The following NAA60 variants were observed in gnomAD, a reference collection of about 807,000 sequenced individuals.
NAA60 encodes the protein N-alpha-acetyltransferase 60.
Under a neutral mutation model 26.1 loss-of-function variants are expected in NAA60, and 8 were observed. The ratio of observed to expected loss-of-function variants is 0.31; its 90% confidence interval spans 0.18 to 0.55. NAA60 has a LOEUF of 0.55. Ranked by LOEUF, NAA60 falls within the 20% of genes least tolerant of loss-of-function variation. NAA60 has a pLI of 0.93. For synonymous variants in NAA60, 131 were observed against 122.5 expected (o/e 1.07, Z -0.46); for missense variants, 290 against 311.3 (o/e 0.93, Z 0.51).
chr16:3,461,451 C>T (rs1405430915), intron 2 of NAA60, among the ~76,000 whole-genome samples: 1 of 152,186 alleles, frequency 6.6e-6, no homozygotes, highest in Non-Finnish European at 1.5e-5. Flanking sequence ...ACTCCCTAGT[C>T]CCACCTTGTC....
chr16:3,444,940 C>A (rs1395919977), intron 1 of NAA60, among the ~76,000 whole-genome samples: 1 of 152,138 alleles, frequency 6.6e-6, no homozygotes, highest in Non-Finnish European at 1.5e-5. Flanking sequence ...AAAATTAGGG[C>A]TTTGTTACAA....
intron 3 of NAA60, 54 bp from the exon 4 acceptor site, chr16:3,479,417 C>A: frequency 1.3e-6 from 2 of 1,597,102 alleles, no homozygotes; most frequent in South Asian, 1.1e-5. Context: ...TAGAGCACGA[C>A]CATAGTTGGA....
At chr16:3,451,604 G>C (rs37834) in intron 2 of NAA60, among the ~76,000 whole-genome samples, 54,483 of 151,984 alleles carry the variant, frequency 0.36, 10,198 homozygotes, top group African/African-American at 0.47. Flanking sequence ...ACCTTTTTCA[G>C]TTAGATTGCA....
At chr16:3,447,334 G>A (rs540783296) in intron 1 of NAA60, 34 of 314,354 alleles carry the variant, frequency 1.1e-4, no homozygotes, top group African/African-American at 7.2e-4. Context: ...CATAGTAGGT[G>A]TATATATTTA....
intron 2 of NAA60, among the ~76,000 whole-genome samples, chr16:3,473,473 G>A (rs1567387685): frequency 1.3e-5 from 2 of 152,144 alleles, no homozygotes; most frequent in Non-Finnish European, 2.9e-5. Flanking sequence ...CAGTATGGGC[G>A]AAACTGCTCC....
At chr16:3,476,393 C>T in intron 3 of NAA60, 56 bp downstream of exon 3, 1 of 1,474,118 alleles carries the variant, frequency 6.8e-7, no homozygotes, top group South Asian at 1.2e-5. Flanking sequence ...GGTGCAGAAG[C>T]TGGGCGGCGG....
intron 1 of NAA60, among the ~76,000 whole-genome samples, chr16:3,446,916 A>G (rs1206159016): frequency 6.6e-6 from 1 of 151,044 alleles, no homozygotes; most frequent in Non-Finnish European, 1.5e-5. Flanking sequence ...TGGCCTGCTC[A>G]CTGCAACCTC....
At chr16:3,451,291 C>G (rs1023134458) in intron 2 of NAA60, among the ~76,000 whole-genome samples, 1 of 152,302 alleles carries the variant, frequency 6.6e-6, no homozygotes, top group East Asian at 1.9e-4. Flanking sequence ...TAAATAATAT[C>G]TCTGAATGGA....
intron 2 of NAA60, chr16:3,458,111 C>T (rs1417073031): frequency 1.0e-6 from 1 of 985,168 alleles, no homozygotes; most frequent in Non-Finnish European, 1.2e-6. Context: ...GGTCCCACTT[C>T]CCGGCTCCCT....
Position 3,482,574 on chromosome 16 carries a change from A to G in NAA60, c.313A>G (p.Lys105Glu), listed in dbSNP as rs1567400294. The G allele has an allele frequency of 2.5e-6, 4 of 1,607,998 alleles. No individual in the cohort carries two copies. Among genetic ancestry groups the G allele is most frequent in the East Asian group, 4.5e-5 (2 of 44,658 alleles). Residue 105 changes from lysine to glutamate, a missense_variant, in exon 5 of 8, where the codon AAA (lysine) becomes GAA (glutamate). Transcript: ENST00000407558. The stretch of plus-strand genomic sequence containing the variant: ...GTACATCCTAAGTCTGGGCGTCGTG[A>G]AAGAGTTCAGGAAGCACGGCATAGG... Reference protein sequence around the residue: ...VAYILSLGVVKEFRKHGIGSL... With the variant: ...VAYILSLGVVEEFRKHGIGSL...
rs1021687892 is a variant in NAA60, at chr16:3,448,511, C to T, written c.-36C>T. ...TACCTGGAGGAAGGAAGTGCGGAGC[C>T]AGCCTGAGTTGGGAGAAGAGCTCCA... On this transcript the variant is annotated 5_prime_UTR_variant, in exon 2 of 8. The change creates a premature stop within an existing upstream ORF in the 5' untranslated region. Coordinates refer to ENST00000407558, the MANE Select transcript of NAA60 (RefSeq NM_001083601.3). 1.2e-5 allele frequency: 19 copies of T among 1,535,502 alleles called. No homozygotes were observed. In the Admixed American group the frequency reaches 1.8e-4, roughly 14 times the overall value.
rs540328918 is a variant in NAA60, at chr16:3,454,714, G to A, written c.-7+6174G>A. Among the ~76,000 whole-genome samples, 12 of 152,264 alleles carry A rather than the reference G, an allele frequency of 7.9e-5. 1 individual carries two copies. In the South Asian group the frequency reaches 2.5e-3, roughly 32 times the overall value. ...AGTCGATGGTGATCAACCCATTCCT[G>A]AACCATCCCTGTGACCGGCAGATGT... On this transcript the variant is annotated intron_variant, in intron 2 of 7. Transcript: ENST00000407558.
chr16:3,479,604 C>G lies in NAA60; in HGVS notation c.240+4C>G. 1 of 1,613,774 alleles carries G rather than the reference C, an allele frequency of 6.2e-7. No homozygotes were observed. Among genetic ancestry groups the G allele is most frequent in the South Asian group, 1.1e-5 (1 of 91,048 alleles). Reference sequence around the variant, plus strand: ...CAGGACCAAAATACATAAAGAGGTACGTACGTGTGTGCAGTGAGGACTTGG... The same window carrying G: ...CAGGACCAAAATACATAAAGAGGTAGGTACGTGTGTGCAGTGAGGACTTGG... On this transcript the variant is annotated splice_donor_region_variant and intron_variant, in intron 4 of 7. Transcript: ENST00000407558.
chr16:3,448,394 A>C (rs1044034066), intron 1 of NAA60, 77 bp from the exon 2 acceptor site: 14 of 1,191,674 alleles, frequency 1.2e-5, no homozygotes, highest in Non-Finnish European at 1.4e-5. Flanking sequence ...GGTTTGTCTG[A>C]CACTCATTAG....
chr16:3,459,387 C>T (rs2035225372), intron 2 of NAA60, among the ~76,000 whole-genome samples: 1 of 152,140 alleles, frequency 6.6e-6, no homozygotes, highest in African/African-American at 2.4e-5. Context: ...TAAAAAGCAT[C>T]TGGGGCAAAA....
At chr16:3,475,000 C>G (rs2036387517) in intron 2 of NAA60, among the ~76,000 whole-genome samples, 2 of 151,556 alleles carry the variant, frequency 1.3e-5, no homozygotes, top group Non-Finnish European at 1.5e-5. Flanking sequence ...AGGCTGATCT[C>G]AAACTCCTGG....
At chr16:3,454,044 G>T (rs2034885210) in intron 2 of NAA60, among the ~76,000 whole-genome samples, 1 of 152,148 alleles carries the variant, frequency 6.6e-6, no homozygotes, top group Admixed American at 6.5e-5. Context: ...GTCGGAAAGA[G>T]GCCTAGGGTG....
Position 3,456,421 on chromosome 16 carries a change from A to T in NAA60, c.-7+7881A>T, listed in dbSNP as rs527585016. On this transcript the variant is annotated intron_variant, in intron 2 of 7. Transcript: ENST00000407558. ...TCTAGCCAGTGGGAAAGGGGAGAGG[A>T]AGTACAGAGCGAGCAATTTCCTTTT... 5.9e-5 allele frequency among the ~76,000 whole-genome samples: 9 copies of T among 151,966 alleles called. No individual in the cohort carries two copies. The South Asian group carries it at 1.9e-3, about 32-fold the overall frequency.
chr16:3,486,739 C>G lies in NAA60; in HGVS notation c.*1479C>G, dbSNP rs2037159189. 1 of 152,408 alleles carries G rather than the reference C, an allele frequency of 6.6e-6. No individual in the cohort carries two copies. Among genetic ancestry groups the G allele is most frequent in the Non-Finnish European group, 1.5e-5 (1 of 68,144 alleles). 9.4% of individuals were successfully genotyped at this position (152,408 alleles called of 1,614,324 possible). A position where few individuals can be genotyped will look rare whatever the true frequency, so the allele number is the denominator to read the frequency against. On this transcript the variant is annotated 3_prime_UTR_variant, in exon 8 of 8. Transcript: ENST00000407558. ...TGCCGGGCCCAGCTCAGCGCCCTCTCCACTGCGAATCAGTGGCGATCATGT... is the reference window on the plus strand; with the variant it reads ...TGCCGGGCCCAGCTCAGCGCCCTCTGCACTGCGAATCAGTGGCGATCATGT...
Sources: allele counts gnomAD v4.1 joint callset (sites outside exome capture counted in the v4.1 genomes callset), GRCh38; gene constraint gnomAD v4.1.1; transcripts MANE v1.5; gene names NCBI Gene and HGNC (gene_info 2026-07-23, HGNC 2026-07-21).